Variants in USP7 observed in about 807,000 individuals in gnomAD.
USP7 encodes the protein ubiquitin C-terminal hydrolase 7.
Under a neutral mutation model 162.9 loss-of-function variants are expected in USP7, and 9 were observed. The observed-to-expected ratio is 0.06, with a 90% CI of 0.03 to 0.10. USP7 has a LOEUF of 0.10. Among genes scored for constraint, USP7 ranks in the 10% least tolerant of loss-of-function variants. The pLI, the probability that USP7 is intolerant of heterozygous loss-of-function variation, is 1.00. For synonymous variants in USP7, 562 were observed against 475.9 expected, an observed-to-expected ratio of 1.18 and a Z score of -2.35; for missense variants, 715 against 1,373.7, an observed-to-expected ratio of 0.52 and a Z score of 7.58.
At chr16:8,900,358 A>T (rs1370061520) in intron 21 of USP7, among the ~76,000 whole-genome samples, 172 bp downstream of exon 21, 1 of 152,214 alleles carries the variant, frequency 6.6e-6, no homozygotes, top group Non-Finnish European at 1.5e-5. Context: ...TGAGATGAAA[A>T]TGTTCACCAC....
rs552361205 is a variant in USP7, at chr16:8,948,070, C to T, written c.79+15137G>A. On this transcript the variant is annotated intron_variant, in intron 1 of 30. Transcript: ENST00000344836. ...TCTCGAAGACTGCATGCCCTGCAGA[C>T]GTCAGTCAGCTCCAGCACCAGACCC... Among the ~76,000 whole-genome samples, 20 of 152,332 alleles carry T rather than the reference C, an allele frequency of 1.3e-4. No individual in the cohort carries two copies. In the East Asian group the frequency reaches 1.3e-3, roughly 10 times the overall value.
intron 21 of USP7, among the ~76,000 whole-genome samples, chr16:8,900,305 T>C (rs1052673410): frequency 5.3e-5 from 8 of 152,216 alleles, no homozygotes; most frequent in Non-Finnish European, 1.2e-4. Flanking sequence ...CACGTGCACT[T>C]GAGACATTTT....
Position 8,899,319 on chromosome 16 carries a change from A to C in USP7, c.2464-131T>G, listed in dbSNP as rs1299187033. On this transcript the variant is annotated intron_variant, in intron 22 of 30. Transcript: ENST00000344836. The stretch of plus-strand genomic sequence containing the variant: ...TTCCCTAGAAATTTATTAAACAGGA[A>C]TAAACTATATTATTCCTTAATGAAT... 1.1e-5 allele frequency: 10 copies of C among 882,980 alleles called. No homozygotes were observed. The East Asian group carries it at 2.1e-4, about 19-fold the overall frequency. 54.7% of individuals were successfully genotyped at this position (882,980 alleles called of 1,614,324 possible).
At chr16:8,922,206 C>T (rs535390102) in intron 3 of USP7, among the ~76,000 whole-genome samples, 8 of 152,314 alleles carry the variant, frequency 5.3e-5, no homozygotes, top group African/African-American at 9.6e-5. Context: ...AATGAAAGTA[C>T]GGCCAGGTGC....
intron 3 of USP7, 108 bp downstream of exon 3, chr16:8,923,107 T>C (rs1274620687): frequency 3.7e-6 from 2 of 533,502 alleles, no homozygotes; most frequent in Non-Finnish European, 5.8e-6. Context: ...GAAACACGTA[T>C]TTAATCTAAT....
chr16:8,912,423 C>T (rs188082831), intron 10 of USP7, among the ~76,000 whole-genome samples: 80 of 147,198 alleles, frequency 5.4e-4, no homozygotes, highest in African/African-American at 1.8e-3. Flanking sequence ...GCACTCCAGC[C>T]GGGGCGACAG....
intron 12 of USP7, 128 bp downstream of exon 12, chr16:8,908,213 A>C: frequency 1.3e-6 from 1 of 770,954 alleles, no homozygotes. Context: ...TGGGACACAG[A>C]GGTAGAAGGA....
At chr16:8,936,555 A>C (rs762715688) in intron 1 of USP7, 4 of 1,518,292 alleles carry the variant, frequency 2.6e-6, no homozygotes, top group East Asian at 4.9e-5. Flanking sequence ...CACCAGCATA[A>C]GGAGCTCAAC....
At chr16:8,902,655 C>T (rs894022644) in intron 16 of USP7, among the ~76,000 whole-genome samples, 173 bp from the exon 17 acceptor site, 11 of 151,900 alleles carry the variant, frequency 7.2e-5, no homozygotes, top group Admixed American at 2.0e-4. Context: ...TTTCGGAGGC[C>T]GAGGCAGGTG....
chr16:8,959,500 C>A (rs1899926521), intron 1 of USP7, among the ~76,000 whole-genome samples: 1 of 152,136 alleles, frequency 6.6e-6, no homozygotes. Flanking sequence ...ATCATTAAAA[C>A]CTGACGTGCT....
rs888610739 is a variant in USP7, at chr16:8,951,843, G to A, written c.79+11364C>T. ...ACTGAACACCTGATTCACAAAGGAAGCAATCTACCAACGTGCGTTATTTTG... is the reference window on the plus strand; with the variant it reads ...ACTGAACACCTGATTCACAAAGGAAACAATCTACCAACGTGCGTTATTTTG... On this transcript the variant is annotated intron_variant, in intron 1 of 30. Transcript: ENST00000344836. Among the ~76,000 whole-genome samples the A allele has an allele frequency of 2.6e-5, 4 of 152,224 alleles. No homozygotes were observed. In the East Asian group the frequency reaches 5.8e-4, roughly 22 times the overall value.
At chr16:8,950,349 A>G (rs2141260780) in intron 1 of USP7, among the ~76,000 whole-genome samples, 1 of 152,324 alleles carries the variant, frequency 6.6e-6, no homozygotes, top group Non-Finnish European at 1.5e-5. Context: ...TAAACACTCA[A>G]GATTAAAACA....
chr16:8,949,631 T>C (rs7192587), intron 1 of USP7: 41,088 of 152,352 alleles, frequency 0.27, 7,167 homozygotes, highest in African/African-American at 0.5. Flanking sequence ...GCCTTCCTTC[T>C]CTCAGAGTGC....
intron 1 of USP7, chr16:8,956,327 G>T (rs1048557837): frequency 6.6e-6 from 1 of 152,202 alleles, no homozygotes; most frequent in African/African-American, 2.4e-5. Context: ...GGGCCACAGC[G>T]CTCGCTCCCA....
intron 1 of USP7, among the ~76,000 whole-genome samples, chr16:8,938,192 T>A (rs1466274089): frequency 6.6e-6 from 1 of 152,096 alleles, no homozygotes; most frequent in African/African-American, 2.4e-5. Flanking sequence ...TTTGACTACA[T>A]ATGCTTTTAA....
chr16:8,940,608 G>T (rs2141248743), intron 1 of USP7, among the ~76,000 whole-genome samples: 1 of 152,288 alleles, frequency 6.6e-6, no homozygotes, highest in South Asian at 2.1e-4. Context: ...GGCATCCACA[G>T]AAACAGGGAC....
chr16:8,945,734 T>A (rs1051235757), intron 1 of USP7, among the ~76,000 whole-genome samples: 3 of 151,936 alleles, frequency 2.0e-5, no homozygotes, highest in African/African-American at 7.3e-5. Flanking sequence ...AATAAAAGAT[T>A]GAGTAGGTAA....
chr16:8,900,042 G>A (rs1429005372), intron 21 of USP7: 4 of 492,214 alleles, frequency 8.1e-6, no homozygotes, highest in African/African-American at 3.9e-5. Context: ...CTCTACAGGA[G>A]CAGACCCAGA....
intron 10 of USP7, among the ~76,000 whole-genome samples, chr16:8,912,404 T>A (rs1223630839): frequency 1.3e-5 from 2 of 149,330 alleles, no homozygotes; most frequent in African/African-American, 5.0e-5. Flanking sequence ...GAGCTGAGAC[T>A]GCATGACTGC....
Sources: allele counts gnomAD v4.1 joint callset (sites outside exome capture counted in the v4.1 genomes callset), GRCh38; gene constraint gnomAD v4.1.1; transcripts MANE v1.5; gene names NCBI Gene and HGNC (gene_info 2026-07-23, HGNC 2026-07-21).